Variants in CDC14B observed in about 807,000 individuals in gnomAD.
The protein encoded by CDC14B is dual specificity protein phosphatase CDC14B.
In CDC14B, 22 loss-of-function variants were observed where a neutral mutation model predicts 64.2. The observed-to-expected ratio is 0.34, with a 90% CI of 0.24 to 0.49. The LOEUF is 0.49. CDC14B is among the 20% of genes least tolerant of loss of function. The pLI, the probability that CDC14B is intolerant of heterozygous loss-of-function variation, is 0.99. For synonymous variants in CDC14B, 191 were observed against 215.8 expected (o/e 0.89, Z 1.01); for missense variants, 498 against 629.9 (o/e 0.79, Z 2.24).
intron 1 of CDC14B, chr9:96,618,735 CG>C (rs1847797134): frequency 2.6e-6 from 1 of 387,276 alleles, no homozygotes; most frequent in Non-Finnish European, 5.0e-6. Flanking sequence ...TACGGAGCAG[CG>C]GGGGTTTGGC....
At position 96,501,778 on chromosome 9, in the gene CDC14B, T is replaced by C. The variant is rs1833579794; in HGVS notation, c.*1975A>G. On this transcript the variant is annotated 3_prime_UTR_variant, in exon 14 of 14. Coordinates refer to ENST00000375241, the MANE Select transcript of CDC14B (RefSeq NM_033331.4). ...GGTTCCAGTGACACCCTTTCTTTTC[T>C]TGGACGAAACACCAGGAGGCTCATT... 1 of 152,234 alleles carries C rather than the reference T, an allele frequency of 6.6e-6. No homozygotes were observed. The highest frequency in any genetic ancestry group is 2.1e-4 in the South Asian group (1 of 4,824). 9.4% of individuals were successfully genotyped at this position (152,234 alleles called of 1,614,324 possible).
intron 13 of CDC14B, among the ~76,000 whole-genome samples, chr9:96,509,346 TG>T (rs1185437422): frequency 1.3e-5 from 2 of 152,246 alleles, no homozygotes; most frequent in Non-Finnish European, 2.9e-5. Context: ...CCAGCAATGA[TG>T]CTGTATCTGA....
chr9:96,608,803 G>C (rs1361673298), intron 1 of CDC14B, among the ~76,000 whole-genome samples: 2 of 151,760 alleles, frequency 1.3e-5, no homozygotes, highest in Non-Finnish European at 2.9e-5. Flanking sequence ...TAGAGATAGG[G>C]TTTTCGGTGA....
intron 5 of CDC14B, among the ~76,000 whole-genome samples, chr9:96,546,742 G>A (rs1193546917): frequency 1.3e-5 from 2 of 148,946 alleles, no homozygotes; most frequent in African/African-American, 2.5e-5. Context: ...GAGCCACCGC[G>A]CCCGGCCACG....
intron 13 of CDC14B, among the ~76,000 whole-genome samples, chr9:96,506,704 A>G (rs1041923147): frequency 2.0e-5 from 3 of 152,246 alleles, no homozygotes. Flanking sequence ...TGACTCTGAA[A>G]TCTACCTTAG....
chr9:96,565,592 C>A, intron 1 of CDC14B, 109 bp from the exon 2 acceptor site: 1 of 779,906 alleles, frequency 1.3e-6, no homozygotes. Context: ...TTTTCATGCA[C>A]GTTTCAGATG....
Position 96,552,370 on chromosome 9 carries a change from C to T in CDC14B, c.421-498G>A, listed in dbSNP as rs16911245. On this transcript the variant is annotated intron_variant, in intron 4 of 13. Coordinates refer to ENST00000375241, the MANE Select transcript of CDC14B (RefSeq NM_033331.4). ...TTGATTATCAAACTGCACTTGTTTT[C>T]GACGCTCATTGACTTCTTTTGTCCT... 1.2e-4 allele frequency among the ~76,000 whole-genome samples: 19 copies of T among 152,278 alleles called. No individual in the cohort carries two copies. The South Asian group carries it at 3.5e-3, about 28-fold the overall frequency.
At chr9:96,552,923 T>TA (rs1411563714) in intron 4 of CDC14B, among the ~76,000 whole-genome samples, 5 of 151,220 alleles carry the variant, frequency 3.3e-5, no homozygotes, top group South Asian at 2.1e-4. Flanking sequence ...ATTTCACTAA[T>TA]AAAAAAAAAG....
chr9:96,593,356 G>A (rs1201517064), intron 1 of CDC14B, among the ~76,000 whole-genome samples: 1 of 151,990 alleles, frequency 6.6e-6, no homozygotes, highest in Non-Finnish European at 1.5e-5. Flanking sequence ...GCGTAGTGGT[G>A]CACACCTGTA....
At chr9:96,580,692 G>T (rs73656906) in intron 1 of CDC14B, among the ~76,000 whole-genome samples, 9,038 of 152,118 alleles carry the variant, frequency 0.059, 902 homozygotes, top group African/African-American at 0.21. Context: ...AAGAAGCAAT[G>T]GACAGGTGTT....
In CDC14B at chr9:96,514,776, G is replaced by A. The variant is rs867330107; in HGVS notation, c.1344-4987C>T. ...AGGGTGGCGGTGGACCCCGTGACAC[G>A]GACACACCCGCCTTCTGGGGGTCTT... On this transcript the variant is annotated intron_variant, in intron 12 of 13. Coordinates refer to ENST00000375241, the MANE Select transcript of CDC14B (RefSeq NM_033331.4). 260 of 985,474 alleles carry A rather than the reference G, an allele frequency of 2.6e-4. 1 individual carries two copies. The African/African-American group carries it at 4.3e-3, about 16-fold the overall frequency. The allele number at this position is 985,474 out of a possible 1,614,324, so 61.0% of individuals were successfully genotyped here.
intron 4 of CDC14B, among the ~76,000 whole-genome samples, chr9:96,555,194 G>A (rs928475375): frequency 2.0e-5 from 3 of 152,116 alleles, no homozygotes; most frequent in African/African-American, 4.8e-5. Flanking sequence ...CCTGTGTAAC[G>A]AACAGGATAC....
At chr9:96,514,649 C>A (rs895375359) in intron 12 of CDC14B, 51 of 985,278 alleles carry the variant, frequency 5.2e-5, no homozygotes, top group Non-Finnish European at 4.7e-5. Context: ...CTTTTGCATT[C>A]TTTCATAACT....
At chr9:96,505,790 C>T (rs1834044831) in intron 13 of CDC14B, among the ~76,000 whole-genome samples, 1 of 152,186 alleles carries the variant, frequency 6.6e-6, no homozygotes, top group African/African-American at 2.4e-5. Context: ...TGGCCGCCGT[C>T]CCAGACCTGT....
At chr9:96,608,318 A>G (rs1847103976) in intron 1 of CDC14B, among the ~76,000 whole-genome samples, 1 of 152,242 alleles carries the variant, frequency 6.6e-6, no homozygotes, top group East Asian at 1.9e-4. Context: ...TTTGTTAGAT[A>G]AACTCAAAGC....
Position 96,619,231 on chromosome 9 carries a change from G to T in CDC14B, c.148C>A (p.Leu50Met). The T allele has an allele frequency of 7.4e-7, 1 of 1,345,334 alleles. No homozygotes were observed. The allele number at this position is 1,345,334 out of a possible 1,614,324, so 83.3% of individuals were successfully genotyped here. A position where few individuals can be genotyped will look rare whatever the true frequency, so the allele number is the denominator to read the frequency against. Residue 50 changes from leucine to methionine, a missense_variant, in exon 1 of 14, where the codon CTG (leucine) becomes ATG (methionine). By Grantham distance (15) the Leu-to-Met change is conservative. Transcript: ENST00000375241. ...RRRDPQDDVY[L>M]DITDRLCFAI... ...CTGGCCGGCTCACCGGTGATGTCCA[G>T]GTACACGTCGTCCTGGGGGTCCCGG... is the stretch of plus-strand genomic sequence containing the variant.
At chr9:96,514,504 T>C in intron 12 of CDC14B, 1 of 985,312 alleles carries the variant, frequency 1.0e-6, no homozygotes, top group Non-Finnish European at 1.2e-6. Context: ...GTTAAGCAGG[T>C]TTTGCCTAAT....
At position 96,495,071 on chromosome 9, in the gene CDC14B, T is replaced by C. The variant is rs909245343; in HGVS notation, c.*80+1136A>G. Among the ~76,000 whole-genome samples, 4 of 151,858 alleles carry C rather than the reference T, an allele frequency of 2.6e-5. No individual in the cohort carries two copies. In the East Asian group the frequency reaches 5.9e-4, roughly 22 times the overall value. On this transcript the variant is annotated intron_variant and NMD_transcript_variant, in intron 13 of 13. Coordinates refer to the CDC14B transcript ENST00000474602. Reference sequence around the variant, plus strand: ...GGATGGGCTCGATCTCCTGACCTCATGATCCACCTGCCTCAGCCTCCCAAA... The same window carrying C: ...GGATGGGCTCGATCTCCTGACCTCACGATCCACCTGCCTCAGCCTCCCAAA...
intron 3 of CDC14B, 72 bp from the exon 4 acceptor site, chr9:96,562,857 A>C (rs1057284471): frequency 1.2e-5 from 12 of 999,758 alleles, no homozygotes; most frequent in Admixed American, 3.7e-5. Context: ...TTTTGTGATG[A>C]AGATCAATTC....
Sources: gnomAD v4.1 joint callset for allele counts (sites outside exome capture counted in the v4.1 genomes callset) on GRCh38, gnomAD v4.1.1 for gene constraint, MANE v1.5 for transcripts, NCBI Gene and HGNC (gene_info 2026-07-23, HGNC 2026-07-21) for gene names.